Variants in DYNC2I1 observed in about 807,000 individuals in gnomAD.
The protein encoded by DYNC2I1 is cytoplasmic dynein 2 intermediate chain 1.
A neutral mutation model predicts 133.4 loss-of-function variants in DYNC2I1; 89 were observed. That is an observed-to-expected ratio of 0.67 (90% CI 0.56 to 0.80). The LOEUF (loss-of-function observed/expected upper bound fraction) is 0.80, where lower values mean the gene tolerates loss of function less well. DYNC2I1 is among the 30% of genes least tolerant of loss of function. The pLI is 0.00. For missense variants in DYNC2I1, 1,291 were observed against 1,314.5 expected (o/e 0.98, Z 0.28); for synonymous variants, 504 against 484.3 (o/e 1.04, Z -0.54).
At chr7:158,893,210 C>G (rs1385329179) in intron 8 of DYNC2I1, among the ~76,000 whole-genome samples, 1 of 152,084 alleles carries the variant, frequency 6.6e-6, no homozygotes, top group African/African-American at 2.4e-5. Flanking sequence ...TTTCACTGCC[C>G]TAAAACCCCT....
At chr7:158,941,718 C>T (rs1046894175) in intron 23 of DYNC2I1, among the ~76,000 whole-genome samples, 3 of 152,122 alleles carry the variant, frequency 2.0e-5, no homozygotes, top group East Asian at 1.9e-4. Flanking sequence ...CTCATCTCTA[C>T]GAACGATATA....
chr7:158,892,331 GTA>G (rs1845306252), intron 8 of DYNC2I1, among the ~76,000 whole-genome samples: 1 of 152,156 alleles, frequency 6.6e-6, no homozygotes, highest in African/African-American at 2.4e-5. Flanking sequence ...AATAAATGTA[GTA>G]TATGTTATTT....
At chr7:158,953,171 GC>G (rs1423631791) in intron 4 of DYNC2I1, among the ~76,000 whole-genome samples, 3 of 127,260 alleles carry the variant, frequency 2.4e-5, no homozygotes, top group East Asian at 6.5e-4. Flanking sequence ...ACATGTGGCT[GC>G]TCCTACCCTC....
chr7:158,923,832 AT>A, intron 17 of DYNC2I1, 99 bp downstream of exon 17: 1 of 1,483,974 alleles, frequency 6.7e-7, no homozygotes, highest in Non-Finnish European at 9.0e-7. Flanking sequence ...TATTCACATT[AT>A]CCCAGAGGAC....
intron 1 of DYNC2I1, among the ~76,000 whole-genome samples, chr7:158,868,588 C>G (rs1409714457): frequency 6.6e-6 from 1 of 152,226 alleles, no homozygotes; most frequent in African/African-American, 2.4e-5. Flanking sequence ...GTGCGAGGAG[C>G]TTGGTGTGTA....
At chr7:158,885,345 CTTT>C (rs758083057) in intron 6 of DYNC2I1, among the ~76,000 whole-genome samples, 2 of 141,902 alleles carry the variant, frequency 1.4e-5, no homozygotes. Flanking sequence ...TGTATAAACT[CTTT>C]TTTTTTTTTT....
chr7:158,846,300 C>A, the DYNC2I1 span, among the ~76,000 whole-genome samples: 1 of 151,678 alleles, frequency 6.6e-6, no homozygotes, highest in African/African-American at 2.4e-5. Flanking sequence ...GTAAAAGGAA[C>A]CAAGAAATAA....
chr7:158,957,726 CGGGGAG>C (rs1852234968), downstream of DYNC2I1, among the ~76,000 whole-genome samples: 1 of 152,166 alleles, frequency 6.6e-6, no homozygotes, highest in African/African-American at 2.4e-5. Flanking sequence ...CGAGCCTCCC[CGGGGAG>C]CAAATGCACT....
downstream of DYNC2I1, among the ~76,000 whole-genome samples, chr7:158,958,578 A>C (rs1357590214): frequency 6.6e-6 from 1 of 152,220 alleles, no homozygotes; most frequent in East Asian, 1.9e-4. Context: ...GTTTAAATAC[A>C]TCTAAATCCC....
At chr7:158,910,518 CTG>C (rs1460974555) in intron 11 of DYNC2I1, among the ~76,000 whole-genome samples, 2 of 147,910 alleles carry the variant, frequency 1.4e-5, no homozygotes, top group Non-Finnish European at 3.0e-5. Flanking sequence ...GGGCCATTGG[CTG>C]TGTCAGGCTT....
chr7:158,894,447 T>G (rs1845584735), intron 8 of DYNC2I1, among the ~76,000 whole-genome samples: 1 of 152,254 alleles, frequency 6.6e-6, no homozygotes, highest in African/African-American at 2.4e-5. Context: ...TCATACTGTT[T>G]GTAGCCTTTT....
intron 4 of DYNC2I1, among the ~76,000 whole-genome samples, chr7:158,952,316 A>C (rs1009758620): frequency 5.9e-5 from 9 of 152,170 alleles, no homozygotes; most frequent in African/African-American, 2.2e-4. Flanking sequence ...CTCCCATCCC[A>C]GTGTGTCCCA....
intron 20 of DYNC2I1, 88 bp from the exon 21 acceptor site, chr7:158,930,367 C>A: frequency 9.1e-7 from 1 of 1,093,460 alleles, no homozygotes; most frequent in Non-Finnish European, 1.4e-6. Flanking sequence ...GATATTTAAG[C>A]AATGAAAAAT....
chr7:158,840,785 G>C, the DYNC2I1 span, among the ~76,000 whole-genome samples: 1 of 152,158 alleles, frequency 6.6e-6, no homozygotes, highest in African/African-American at 2.4e-5. Context: ...CTCTCGGCCT[G>C]TTGTGAACTG....
intron 7 of DYNC2I1, 68 bp from the exon 8 acceptor site, chr7:158,891,197 A>G (rs902014016): frequency 1.3e-6 from 2 of 1,557,888 alleles, no homozygotes; most frequent in Non-Finnish European, 1.8e-6. Flanking sequence ...GGTGGGGGGG[A>G]GCTGCGTGGC....
In DYNC2I1 at chr7:158,871,358, G is replaced by A. The variant is rs1292679110; in HGVS notation, c.286G>A (p.Ala96Thr). The change falls in exon 3 of 25, where the codon GCA (alanine) becomes ACA (threonine). Residue 96 changes from alanine (A) to threonine (T), a missense_variant. Physicochemically the swap from Ala to Thr is moderately conservative, Grantham distance 58. Coordinates refer to ENST00000407559, the MANE Select transcript of DYNC2I1 (RefSeq NM_018051.5). ...RDRQRERRRD[A>T]KDREKEKLKE... ...CAGACAGAGGGAGAGGAGAAGAGAC[G>A]CAAAAGACCGGGAGAAAGAAAAGCT... 6 of 1,552,016 alleles carry A rather than the reference G, an allele frequency of 3.9e-6. No homozygotes were observed. The highest frequency in any genetic ancestry group is 5.2e-6 in the Non-Finnish European group (6 of 1,147,178).
At chr7:158,894,084 A>G (rs2129482714) in intron 8 of DYNC2I1, among the ~76,000 whole-genome samples, 1 of 23,276 alleles carries the variant, frequency 4.3e-5, no homozygotes, top group East Asian at 1.1e-3. Context: ...ACCACATATT[A>G]TACCGTATAG....
rs1023133966 is a variant in DYNC2I1, at chr7:158,945,524, A to G, written c.3003-57A>G. 1.3e-6 allele frequency: 2 copies of G among 1,519,056 alleles called. No individual in the cohort carries two copies. The highest frequency in any genetic ancestry group is 2.8e-5 in the African/African-American group (2 of 71,896). The allele number at this position is 1,519,056 out of a possible 1,614,324, so 94.1% of individuals were successfully genotyped here. A position where few individuals can be genotyped will look rare whatever the true frequency, so the allele number is the denominator to read the frequency against. On this transcript the variant is annotated intron_variant, in intron 24 of 24. Coordinates refer to ENST00000407559, the MANE Select transcript of DYNC2I1 (RefSeq NM_018051.5). This position sits in a 1 kb window ranked among gnomAD's most constrained non-coding sequence, Gnocchi z 4.1. The stretch of plus-strand genomic sequence containing the variant: ...AGGTAGACATTTTGAAGACTCAGAC[A>G]GAACCGAATGTCCCTTTGTGTGCAC...
chr7:158,910,990 C>T (rs546562599), intron 11 of DYNC2I1, among the ~76,000 whole-genome samples: 1 of 142,972 alleles, frequency 7.0e-6, no homozygotes, highest in South Asian at 2.2e-4. Flanking sequence ...GGGAGGAGCG[C>T]GAATGGCTGT....
Sources: allele counts gnomAD v4.1 joint callset (sites outside exome capture counted in the v4.1 genomes callset), GRCh38; gene constraint gnomAD v4.1.1; non-coding constraint Gnocchi (gnomAD v3.1); transcripts MANE v1.5; gene names NCBI Gene and HGNC (gene_info 2026-07-23, HGNC 2026-07-21).